Variants in PLCL1 observed in about 807,000 individuals in gnomAD.
The protein encoded by PLCL1 is inactive phospholipase C-like protein 1.
PLCL1 carries 41 observed loss-of-function variants against 84.4 expected under a neutral mutation model. The observed-to-expected ratio is 0.49, with a 90% CI of 0.38 to 0.63. PLCL1 has a LOEUF of 0.63. Among genes scored for constraint, PLCL1 ranks in the 30% least tolerant of loss-of-function variants. The pLI, the probability that PLCL1 is intolerant of heterozygous loss-of-function variation, is 0.00. For missense variants in PLCL1, 1,206 were observed against 1,367.8 expected (o/e 0.88, Z 1.87); for synonymous variants, 490 against 488.3 (o/e 1.00, Z -0.05).
chr2:197,962,630 T>C (rs1226149196), intron 1 of PLCL1, among the ~76,000 whole-genome samples: 2 of 152,074 alleles, frequency 1.3e-5, no homozygotes, highest in Admixed American at 6.6e-5. Flanking sequence ...TTATAAAATG[T>C]ATAATACATT....
intron 3 of PLCL1, among the ~76,000 whole-genome samples, chr2:198,094,213 C>A (rs998126135): frequency 6.6e-6 from 1 of 152,128 alleles, no homozygotes; most frequent in African/African-American, 2.4e-5. Context: ...AAACACCCAC[C>A]ACCATGCCCA....
chr2:197,897,166 TTC>T (rs1175174480), intron 1 of PLCL1, among the ~76,000 whole-genome samples: 363 of 32,176 alleles, frequency 0.011, 3 homozygotes, highest in African/African-American at 0.02. Flanking sequence ...CTTCTTCTTC[TTC>T]TTCTTCTTCT....
chr2:197,922,489 G>T (rs1402270861), intron 1 of PLCL1, among the ~76,000 whole-genome samples: 4 of 117,158 alleles, frequency 3.4e-5, no homozygotes, highest in South Asian at 6.0e-4. Context: ...CCACAAAGCC[G>T]CCATTGTCAT....
At chr2:198,021,374 A>T (rs61338687) in intron 1 of PLCL1, among the ~76,000 whole-genome samples, 5 of 152,174 alleles carry the variant, frequency 3.3e-5, no homozygotes, top group Admixed American at 1.3e-4. Flanking sequence ...AAAAGCTAGC[A>T]GAAGACAAGA....
chr2:198,052,680 T>C (rs542671403), intron 1 of PLCL1, among the ~76,000 whole-genome samples: 9 of 152,338 alleles, frequency 5.9e-5, no homozygotes, highest in Admixed American at 2.6e-4. Context: ...AAATAAGGAA[T>C]GTCATTTTGA....
intron 1 of PLCL1, among the ~76,000 whole-genome samples, chr2:197,862,395 G>T (rs1462812518): frequency 6.6e-6 from 1 of 152,168 alleles, no homozygotes; most frequent in Non-Finnish European, 1.5e-5. Flanking sequence ...GGAAGTACAT[G>T]CTACTACTTG....
Position 198,098,381 on chromosome 2 carries a change from A to T in PLCL1, c.2920-2904A>T, listed in dbSNP as rs780495758. 5.3e-5 allele frequency among the ~76,000 whole-genome samples: 8 copies of T among 152,212 alleles called. 1 individual carries two copies. The highest frequency in any genetic ancestry group is 1.2e-4 in the African/African-American group (5 of 41,462). On this transcript the variant is annotated intron_variant, in intron 3 of 5. Coordinates refer to ENST00000428675, the MANE Select transcript of PLCL1 (RefSeq NM_006226.4). ...ATTAGACTTGGAGGGAAAAGCAGTC[A>T]TGGCAAAATTTATTTTCATGATGCT...
At chr2:197,809,055 C>A (rs1690534269) in intron 1 of PLCL1, among the ~76,000 whole-genome samples, 1 of 152,056 alleles carries the variant, frequency 6.6e-6, no homozygotes, top group South Asian at 2.1e-4. Context: ...TCATCTTGGG[C>A]TGGTATGGTG....
chr2:197,804,951 C>CGCCGCT lies in PLCL1; in HGVS notation c.-144_-143insTGCCGC. 2 of 982,448 alleles carry CGCCGCT rather than the reference C, an allele frequency of 2.0e-6. No individual in the cohort carries two copies. The highest frequency in any genetic ancestry group is 6.7e-5 in the East Asian group (2 of 29,760). 60.9% of individuals were successfully genotyped at this position (982,448 alleles called of 1,614,324 possible). On this transcript the variant is annotated 5_prime_UTR_variant, in exon 1 of 6. Coordinates refer to ENST00000428675, the MANE Select transcript of PLCL1 (RefSeq NM_006226.4). Reference sequence around the variant, plus strand: ...CCCCTCTCCAGAAAGTTGCCGCCGCCGCCGCCGCCGCCGCCACTGCCGCCG... The same window carrying CGCCGCT: ...CCCCTCTCCAGAAAGTTGCCGCCGCCGCCGCTGCCGCCGCCGCCGCCACTGCCGCCG...
intron 1 of PLCL1, among the ~76,000 whole-genome samples, chr2:198,051,557 C>A (rs780149699): frequency 2.0e-5 from 3 of 152,052 alleles, no homozygotes; most frequent in Non-Finnish European, 4.4e-5. Context: ...AGAACAAAAA[C>A]AAGCAAACAA....
intron 1 of PLCL1, among the ~76,000 whole-genome samples, chr2:198,034,033 G>T (rs775431037): frequency 6.6e-6 from 1 of 151,842 alleles, no homozygotes; most frequent in Non-Finnish European, 1.5e-5. Context: ...TCTAGGGTAC[G>T]TGTGCACAAC....
rs187944124 is a variant in PLCL1 at position 197,875,968 on chromosome 2, T to C, written c.240+70629T>C. Among the ~76,000 whole-genome samples, 127 of 152,320 alleles carry C rather than the reference T, an allele frequency of 8.3e-4. 1 individual carries two copies. Among genetic ancestry groups the C allele is most frequent in the African/African-American group, 2.9e-3 (122 of 41,592 alleles). On this transcript the variant is annotated intron_variant, in intron 1 of 5. Coordinates refer to ENST00000428675, the MANE Select transcript of PLCL1 (RefSeq NM_006226.4). ...CAGTTCTTTTAACATTCCTCTGTGC[T>C]GTCTGACTATATAACACTGCTACAG...
intron 3 of PLCL1, among the ~76,000 whole-genome samples, chr2:198,093,777 A>G (rs1303238152): frequency 6.6e-6 from 1 of 152,182 alleles, no homozygotes; most frequent in Admixed American, 6.5e-5. Context: ...TTTTTTCAGT[A>G]TGGAAAGAAA....
intron 1 of PLCL1, among the ~76,000 whole-genome samples, chr2:198,018,110 C>T (rs927293908): frequency 6.6e-6 from 1 of 152,162 alleles, no homozygotes; most frequent in Non-Finnish European, 1.5e-5. Flanking sequence ...GGCATTGCCT[C>T]ACCCGGGAAG....
At chr2:198,031,114 T>C (rs1381464636) in intron 1 of PLCL1, among the ~76,000 whole-genome samples, 1 of 151,138 alleles carries the variant, frequency 6.6e-6, no homozygotes, top group East Asian at 1.9e-4. Context: ...TTTACACCTG[T>C]AATCCCAGTG....
intron 1 of PLCL1, among the ~76,000 whole-genome samples, chr2:198,058,559 A>G (rs1434241344): frequency 6.6e-6 from 1 of 151,704 alleles, no homozygotes; most frequent in African/African-American, 2.4e-5. Context: ...TTTGAGGGAT[A>G]TAGTTTATAA....
chr2:197,861,791 C>T (rs1687438299), intron 1 of PLCL1, among the ~76,000 whole-genome samples: 1 of 152,122 alleles, frequency 6.6e-6, no homozygotes, highest in Non-Finnish European at 1.5e-5. Context: ...CATTTGGTCA[C>T]AGAAATCTTT....
At chr2:197,897,190 TCCTTCTCC>T (rs780244232) in intron 1 of PLCL1, among the ~76,000 whole-genome samples, 6,629 of 35,922 alleles carry the variant, frequency 0.18, 890 homozygotes, top group Admixed American at 0.24. Context: ...CTTCTTCTTC[TCCTTCTCC>T]TTCTTCTTTC....
chr2:197,853,989 C>T (rs577157695), intron 1 of PLCL1, among the ~76,000 whole-genome samples: 35 of 152,286 alleles, frequency 2.3e-4, no homozygotes, highest in Non-Finnish European at 3.4e-4. Flanking sequence ...TTCCTAAAGA[C>T]CACCTCACCT....
Sources: gnomAD v4.1 joint callset for allele counts (sites outside exome capture counted in the v4.1 genomes callset) on GRCh38, gnomAD v4.1.1 for gene constraint, MANE v1.5 for transcripts, NCBI Gene and HGNC (gene_info 2026-07-23, HGNC 2026-07-21) for gene names.